MAPK10: variants seen among roughly 807,000 people sequenced by gnomAD.
MAPK10 encodes the protein JNK3 alpha protein kinase.
Under a neutral mutation model 59.3 loss-of-function variants are expected in MAPK10, and 25 were observed. The ratio of observed to expected loss-of-function variants is 0.42; its 90% CI spans 0.31 to 0.59. The LOEUF is 0.59. MAPK10 is among the 20% of genes least tolerant of loss of function. The probability of loss-of-function intolerance (pLI) is 0.15; values close to 1 mark genes in which losing one functional copy is unlikely to be tolerated. For missense variants in MAPK10, 351 were observed against 568.9 expected, an observed-to-expected ratio of 0.62 and a Z score of 3.90; for synonymous variants, 190 against 200.5, an observed-to-expected ratio of 0.95 and a Z score of 0.44.
chr4:86,411,470 T>C (rs984663894), intron 1 of MAPK10, among the ~76,000 whole-genome samples: 5 of 152,226 alleles, frequency 3.3e-5, no homozygotes, highest in Non-Finnish European at 7.3e-5. Context: ...TAACATTCTG[T>C]CTCATTGATC....
Position 86,370,568 on chromosome 4 carries a change from T to C in MAPK10, c.-121-15924A>G, listed in dbSNP as rs550881191. The C allele has an allele frequency of 2.0e-5, 3 of 152,144 alleles. No individual in the cohort carries two copies. In the East Asian group the frequency reaches 5.8e-4, roughly 29 times the overall value. The allele number at this position is 152,144 out of a possible 1,614,324, so 9.4% of individuals were successfully genotyped here. On this transcript the variant is annotated intron_variant, in intron 1 of 13. Transcript: ENST00000361569. ...CAAAAAGGAGTTTGTGATCTTATTGTTAGACTGGACCACTTGAAAGAAAAA... is the reference window on the plus strand; with the variant it reads ...CAAAAAGGAGTTTGTGATCTTATTGCTAGACTGGACCACTTGAAAGAAAAA...
intron 4 of MAPK10, among the ~76,000 whole-genome samples, chr4:86,158,102 G>A (rs1343377241): frequency 2.6e-5 from 4 of 151,946 alleles, no homozygotes; most frequent in Non-Finnish European, 4.4e-5. Flanking sequence ...ACTATACCAT[G>A]TGCATTAATA....
At chr4:86,317,113 T>A (rs530537410) in intron 2 of MAPK10, among the ~76,000 whole-genome samples, 2 of 152,260 alleles carry the variant, frequency 1.3e-5, no homozygotes, top group African/African-American at 4.8e-5. Flanking sequence ...CCAAGAGGCG[T>A]GCCCACCACT....
At chr4:86,512,969 C>A (rs964809215) in intron 1 of MAPK10, among the ~76,000 whole-genome samples, 1 of 152,054 alleles carries the variant, frequency 6.6e-6, no homozygotes, top group Non-Finnish European at 1.5e-5. Flanking sequence ...TAATGCCCAC[C>A]TTTTTCACTT....
intron 2 of MAPK10, among the ~76,000 whole-genome samples, chr4:86,296,822 T>C (rs1026006435): frequency 1.3e-5 from 2 of 152,264 alleles, no homozygotes; most frequent in African/African-American, 4.8e-5. Context: ...CTGATGATGC[T>C]AAATGTGCAT....
chr4:86,373,279 A>C (rs2148995024), intron 1 of MAPK10, among the ~76,000 whole-genome samples: 1 of 152,328 alleles, frequency 6.6e-6, no homozygotes, highest in East Asian at 1.9e-4. Context: ...TAAAGACTTA[A>C]ACATAAGACC....
chr4:86,147,604 T>C (rs1488751587), intron 4 of MAPK10, among the ~76,000 whole-genome samples: 2 of 152,202 alleles, frequency 1.3e-5, no homozygotes, highest in African/African-American at 2.4e-5. Context: ...TATTTATCTC[T>C]CTTACATTGA....
intron 2 of MAPK10, among the ~76,000 whole-genome samples, chr4:86,253,575 C>T (rs1288053764): frequency 3.1e-5 from 1 of 32,170 alleles, no homozygotes; most frequent in Non-Finnish European, 4.8e-5. Flanking sequence ...ATTCGGTTTG[C>T]CAGTATTTTA....
rs140450961 is a variant in MAPK10, at chr4:86,444,963, T to C, written c.-122+8067A>G. On this transcript the variant is annotated intron_variant, in intron 1 of 13. Coordinates refer to the MAPK10 transcript ENST00000361569. ...TGGAGAAATAGGAATGCTTTTACAC[T>C]GTTGGTGGGAATGTAAATTAGTTCA... is the stretch of plus-strand genomic sequence containing the variant. Among the ~76,000 whole-genome samples the C allele has an allele frequency of 9.4e-3, 1,427 of 152,246 alleles. 15 individuals are homozygous for C. The highest frequency in any genetic ancestry group is 0.033 in the African/African-American group (1,353 of 41,532).
chr4:86,393,727 A>G (rs1483300707), intron 1 of MAPK10, among the ~76,000 whole-genome samples: 4 of 152,196 alleles, frequency 2.6e-5, no homozygotes, highest in Non-Finnish European at 5.9e-5. Flanking sequence ...GGTACTTAGT[A>G]GAATAATAAA....
intron 1 of MAPK10, among the ~76,000 whole-genome samples, chr4:86,466,075 TC>T (rs1752172125): frequency 6.6e-6 from 1 of 152,234 alleles, no homozygotes; most frequent in Non-Finnish European, 1.5e-5. Flanking sequence ...CTGGATGTAA[TC>T]ACTTTATGAC....
intron 1 of MAPK10, among the ~76,000 whole-genome samples, chr4:86,488,290 G>C (rs1754177965): frequency 6.6e-6 from 1 of 152,140 alleles, no homozygotes; most frequent in Non-Finnish European, 1.5e-5. Flanking sequence ...TGATGAAAAA[G>C]AACCTATTGT....
intron 3 of MAPK10, among the ~76,000 whole-genome samples, chr4:86,170,089 C>T (rs886172516): frequency 1.1e-4 from 16 of 151,842 alleles, no homozygotes; most frequent in Non-Finnish European, 1.8e-4. Context: ...ACAACCGGTA[C>T]CAGCCGCTGC....
At chr4:86,312,123 T>C (rs2095683699) in intron 2 of MAPK10, among the ~76,000 whole-genome samples, 1 of 152,102 alleles carries the variant, frequency 6.6e-6, no homozygotes, top group Non-Finnish European at 1.5e-5. Context: ...TTTGAGACCA[T>C]TGTCCAATCC....
At chr4:86,032,977 T>G (rs1213463752) in intron 11 of MAPK10, among the ~76,000 whole-genome samples, 1 of 151,934 alleles carries the variant, frequency 6.6e-6, no homozygotes, top group East Asian at 1.9e-4. Context: ...CTAAGCAAAA[T>G]GAGACTCTCA....
At chr4:86,122,095 T>C (rs2059352951) in intron 4 of MAPK10, among the ~76,000 whole-genome samples, 1 of 152,122 alleles carries the variant, frequency 6.6e-6, no homozygotes, top group African/African-American at 2.4e-5. Flanking sequence ...TGGGTGGCTT[T>C]AAACATTTTC....
chr4:86,282,297 C>A lies in MAPK10; in HGVS notation c.-7+72233G>T, dbSNP rs895342797. Reference sequence around the variant, plus strand: ...TAATGTGTAATGGACAATGTTTATGCATGGCTAATCAAGAATTCAGAATTC... The same window carrying A: ...TAATGTGTAATGGACAATGTTTATGAATGGCTAATCAAGAATTCAGAATTC... On this transcript the variant is annotated intron_variant, in intron 2 of 13. Transcript: ENST00000641462. 5.3e-5 allele frequency among the ~76,000 whole-genome samples: 8 copies of A among 152,106 alleles called. 1 individual carries two copies. The highest frequency in any genetic ancestry group is 3.3e-4 in the Admixed American group (5 of 15,254).
chr4:86,480,231 C>T (rs1753490195), intron 1 of MAPK10, among the ~76,000 whole-genome samples: 1 of 152,056 alleles, frequency 6.6e-6, no homozygotes, highest in Non-Finnish European at 1.5e-5. Context: ...AATGGCCGGT[C>T]CTTGCCTTAA....
At chr4:86,554,109 C>A (rs577889036) in intron 1 of MAPK10, among the ~76,000 whole-genome samples, 1 of 151,780 alleles carries the variant, frequency 6.6e-6, no homozygotes, top group Non-Finnish European at 1.5e-5. Flanking sequence ...GGGCCTTTAA[C>A]GGGAAAGATT....
Sources: allele counts gnomAD v4.1 joint callset (sites outside exome capture counted in the v4.1 genomes callset), GRCh38; gene constraint gnomAD v4.1.1; transcripts MANE v1.5; gene names NCBI Gene and HGNC (gene_info 2026-07-23, HGNC 2026-07-21).